The following CNTN4 variants were observed in gnomAD, a reference collection of about 807,000 sequenced individuals.
CNTN4 encodes the protein contactin-4.
A neutral mutation model predicts 122.5 loss-of-function variants in CNTN4; 77 were observed. That is an observed-to-expected ratio of 0.63 (90% CI 0.52 to 0.76). The LOEUF is 0.76. Among genes scored for constraint, CNTN4 ranks in the 30% least tolerant of loss-of-function variants. The pLI, the probability that CNTN4 is intolerant of heterozygous loss-of-function variation, is 0.00. For missense variants in CNTN4, 1,256 were observed against 1,259.1 expected, an observed-to-expected ratio of 1.00 and a Z score of 0.04; for synonymous variants, 512 against 447.0, an observed-to-expected ratio of 1.15 and a Z score of -1.83.
chr3:2,980,626 ATC>A (rs1436981823), intron 13 of CNTN4, among the ~76,000 whole-genome samples: 1 of 152,214 alleles, frequency 6.6e-6, no homozygotes, highest in Admixed American at 6.5e-5. Context: ...GACGTTTGAC[ATC>A]TCATGCCAAG....
At chr3:2,512,214 T>C (rs1325995761) in intron 3 of CNTN4, among the ~76,000 whole-genome samples, 1 of 152,182 alleles carries the variant, frequency 6.6e-6, no homozygotes. Flanking sequence ...AACTTTGCCA[T>C]GGAGGTGGGC....
At chr3:2,799,140 T>C (rs1009588287) in intron 6 of CNTN4, among the ~76,000 whole-genome samples, 4 of 152,348 alleles carry the variant, frequency 2.6e-5, no homozygotes, top group Non-Finnish European at 5.9e-5. Context: ...GTATGCCTTC[T>C]TTTGAAAAAT....
intron 2 of CNTN4, among the ~76,000 whole-genome samples, chr3:2,306,408 C>T (rs115750766): frequency 0.018 from 2,697 of 152,200 alleles, 85 homozygotes; most frequent in African/African-American, 0.062. Flanking sequence ...ATGATTTGAG[C>T]ATCTTTCATG....
chr3:2,257,128 A>G (rs2040627128), intron 2 of CNTN4, among the ~76,000 whole-genome samples: 1 of 150,986 alleles, frequency 6.6e-6, no homozygotes, highest in Non-Finnish European at 1.5e-5. Flanking sequence ...CCTCAGAAAT[A>G]ATGCCTCACA....
intron 3 of CNTN4, among the ~76,000 whole-genome samples, chr3:2,478,420 T>TA (rs397747003): frequency 1.3e-5 from 2 of 150,204 alleles, no homozygotes; most frequent in Admixed American, 6.6e-5. Context: ...TTTTTTTTTT[T>TA]ATTTCCAACT....
chr3:2,105,508 A>C lies in CNTN4; in HGVS notation c.-145+4869A>C, dbSNP rs146894896. ...CACGAGAGAAGCAAAGGCAGGTCTTACATGGCGGCAGGCAAGAGACAGTGA... is the reference window on the plus strand; with the variant it reads ...CACGAGAGAAGCAAAGGCAGGTCTTCCATGGCGGCAGGCAAGAGACAGTGA... On this transcript the variant is annotated intron_variant, in intron 2 of 24. Coordinates refer to ENST00000418658, the MANE Select transcript of CNTN4 (RefSeq NM_175607.3). Among the ~76,000 whole-genome samples the C allele has an allele frequency of 7.2e-5, 11 of 152,316 alleles. No individual in the cohort carries two copies. The East Asian group carries it at 2.1e-3, about 29-fold the overall frequency.
chr3:2,529,363 C>G (rs1300277523), intron 3 of CNTN4, among the ~76,000 whole-genome samples: 1 of 152,072 alleles, frequency 6.6e-6, no homozygotes, highest in Non-Finnish European at 1.5e-5. Flanking sequence ...TTGATGGATA[C>G]TTACATTGAT....
At chr3:2,228,085 A>C (rs1393784867) in intron 2 of CNTN4, among the ~76,000 whole-genome samples, 1 of 152,152 alleles carries the variant, frequency 6.6e-6, no homozygotes, top group East Asian at 1.9e-4. Context: ...ATGGTTTTGC[A>C]TATGGTTTAA....
intron 4 of CNTN4, among the ~76,000 whole-genome samples, chr3:2,653,489 A>G (rs993509031): frequency 6.6e-6 from 1 of 152,230 alleles, no homozygotes; most frequent in African/African-American, 2.4e-5. Flanking sequence ...TAAGTAAGGT[A>G]TCTAAGATCA....
intron 6 of CNTN4, among the ~76,000 whole-genome samples, chr3:2,762,498 G>A (rs116570261): frequency 0.019 from 2,820 of 152,238 alleles, 33 homozygotes; most frequent in South Asian, 0.045. Flanking sequence ...GTTTGCTAAG[G>A]ATAATGGCTC....
At chr3:2,865,437 C>T (rs555553510) in intron 7 of CNTN4, among the ~76,000 whole-genome samples, 1 of 152,144 alleles carries the variant, frequency 6.6e-6, no homozygotes, top group Non-Finnish European at 1.5e-5. Context: ...ACTGAAGTGA[C>T]CTTTCTGCTA....
At chr3:2,240,753 GT>G (rs1287693827) in intron 2 of CNTN4, among the ~76,000 whole-genome samples, 1 of 151,980 alleles carries the variant, frequency 6.6e-6, no homozygotes, top group Non-Finnish European at 1.5e-5. Flanking sequence ...TTAAAATTTA[GT>G]TTTGAATACT....
intron 2 of CNTN4, among the ~76,000 whole-genome samples, chr3:2,242,358 C>T (rs1307583941): frequency 2.0e-5 from 3 of 151,950 alleles, no homozygotes; most frequent in Non-Finnish European, 2.9e-5. Flanking sequence ...GAGGCTGAGG[C>T]TATATATGTT....
intron 3 of CNTN4, among the ~76,000 whole-genome samples, chr3:2,513,249 A>G (rs1232619830): frequency 6.6e-6 from 1 of 152,212 alleles, no homozygotes; most frequent in African/African-American, 2.4e-5. Context: ...GCCTTCTTAC[A>G]AAACTGAACT....
At chr3:2,729,633 G>A in intron 4 of CNTN4, among the ~76,000 whole-genome samples, 1 of 151,432 alleles carries the variant, frequency 6.6e-6, no homozygotes, top group East Asian at 1.9e-4. Context: ...AGAATGCATA[G>A]GCCAGGAGCA....
chr3:2,324,265 A>G (rs1179576997), intron 2 of CNTN4, among the ~76,000 whole-genome samples: 1 of 121,176 alleles, frequency 8.3e-6, no homozygotes, highest in Non-Finnish European at 1.8e-5. Context: ...TGAGAGGAGA[A>G]GAATGATAGA....
At chr3:3,051,929 A>G (rs1701314974) in intron 23 of CNTN4, among the ~76,000 whole-genome samples, 1 of 152,154 alleles carries the variant, frequency 6.6e-6, no homozygotes, top group Non-Finnish European at 1.5e-5. Context: ...TCAACGCATG[A>G]TCCCTGGACC....
rs190333400 is a variant in CNTN4 at position 2,434,478 on chromosome 3, G to C, written c.-89+95245G>C. On this transcript the variant is annotated intron_variant, in intron 3 of 24. Transcript: ENST00000418658. ...ATGTAAATGGAGAAGCATAGCTTCA[G>C]TTGAACAAAGATTGTAGTCCCAGAT... 2.6e-5 allele frequency among the ~76,000 whole-genome samples: 4 copies of C among 152,332 alleles called. No individual in the cohort carries two copies. In the East Asian group the frequency reaches 7.7e-4, roughly 29 times the overall value.
intron 23 of CNTN4, among the ~76,000 whole-genome samples, chr3:3,045,909 T>C (rs1157023456): frequency 1.3e-5 from 2 of 152,100 alleles, no homozygotes; most frequent in Non-Finnish European, 2.9e-5. Flanking sequence ...CTAACTAGAC[T>C]AACCAATGTA....
Sources: allele counts gnomAD v4.1 joint callset (sites outside exome capture counted in the v4.1 genomes callset), GRCh38; gene constraint gnomAD v4.1.1; transcripts MANE v1.5; gene names NCBI Gene and HGNC (gene_info 2026-07-23, HGNC 2026-07-21).